Variants in CADM4 observed in about 807,000 individuals in gnomAD.
CADM4 encodes the protein cell adhesion molecule 4, also known as TSLC1-like 2.
A neutral mutation model predicts 43.9 loss-of-function variants in CADM4; 13 were observed. That is an observed-to-expected ratio of 0.30 (90% confidence interval 0.19 to 0.47). The LOEUF (loss-of-function observed/expected upper bound fraction) is 0.47, where lower values mean the gene tolerates loss of function less well. Ranked by LOEUF, CADM4 falls within the 20% of genes least tolerant of loss-of-function variation. The pLI, the probability that CADM4 is intolerant of heterozygous loss-of-function variation, is 1.00. For missense variants in CADM4, 420 were observed against 527.0 expected (o/e 0.80, Z 1.99); for synonymous variants, 209 against 220.9 (o/e 0.95, Z 0.48).
In CADM4 at chr19:43,626,310, C is replaced by T. The variant is rs201809571; in HGVS notation, c.500-22G>A. 2.5e-6 allele frequency: 4 copies of T among 1,605,432 alleles called. No individual in the cohort carries two copies. Among genetic ancestry groups the T allele is most frequent in the East Asian group, 2.2e-5 (1 of 44,790 alleles). Reference sequence around the variant, plus strand: ...ACTCCTGCCACACCCCGGTCAGACACTGTCAGGCCACAATTCCGGCTCCAT... The same window carrying T: ...ACTCCTGCCACACCCCGGTCAGACATTGTCAGGCCACAATTCCGGCTCCAT... On this transcript the variant is annotated intron_variant, in intron 4 of 8. Transcript: ENST00000222374. The surrounding 1 kb of genome is among the most constrained non-coding windows in gnomAD (Gnocchi z 5.9).
Position 43,623,985 on chromosome 19 carries a change from G to A in CADM4, c.1057+129C>T, listed in dbSNP as rs561420987. ...AAGCCCCGCCCCCTTTGTCATCTCC[G>A]CCCCCGGTGCGGCGGGATTTGGAAT... is the stretch of plus-strand genomic sequence containing the variant. On this transcript the variant is annotated intron_variant, in intron 8 of 8. Transcript: ENST00000222374. This position sits in a 1 kb window ranked among gnomAD's most constrained non-coding sequence, Gnocchi z 4.4. 8 of 1,159,186 alleles carry A rather than the reference G, an allele frequency of 6.9e-6. No homozygotes were observed. The African/African-American group carries it at 7.7e-5, about 11-fold the overall frequency. The allele number at this position is 1,159,186 out of a possible 1,614,324, so 71.8% of individuals were successfully genotyped here.
rs752061448 is a variant in CADM4 at position 43,623,292 on chromosome 19, A to AGCCCAG, written c.*32_*37dup. The stretch of plus-strand genomic sequence containing the variant: ...TGCAGCTGGCAGTGGGGGGGACCCC[A>AGCCCAG]GCCCAGGCCCAGGCCTAGGCCTGGG... On this transcript the variant is annotated 3_prime_UTR_variant, in exon 9 of 9. Coordinates refer to ENST00000222374, the MANE Select transcript of CADM4 (RefSeq NM_145296.2). This position sits in a 1 kb window ranked among gnomAD's most constrained non-coding sequence, Gnocchi z 4.4. 1.7e-5 allele frequency: 26 copies of AGCCCAG among 1,527,562 alleles called. No individual in the cohort carries two copies. The highest frequency in any genetic ancestry group is 2.2e-5 in the South Asian group (2 of 89,504). 94.6% of individuals were successfully genotyped at this position (1,527,562 alleles called of 1,614,324 possible). A position where few individuals can be genotyped will look rare whatever the true frequency, so the allele number is the denominator to read the frequency against.
In CADM4 at chr19:43,626,628, G is replaced by A. The variant is rs1465196296; in HGVS notation, c.499+156C>T. Among the ~76,000 whole-genome samples the A allele has an allele frequency of 6.6e-6, 1 of 152,186 alleles. No homozygotes were observed. The highest frequency in any genetic ancestry group is 1.5e-5 in the Non-Finnish European group (1 of 68,040). On this transcript the variant is annotated intron_variant, in intron 4 of 8. Transcript: ENST00000222374. The surrounding 1 kb of genome is among the most constrained non-coding windows in gnomAD (Gnocchi z 5.9). Reference sequence around the variant, plus strand: ...TCCTCCCATCTCAGCCTCCCAAAGTGCTAGGACTACAGGCGTGAGCCACCG... The same window carrying A: ...TCCTCCCATCTCAGCCTCCCAAAGTACTAGGACTACAGGCGTGAGCCACCG...
upstream of CADM4, among the ~76,000 whole-genome samples, chr19:43,640,401 A>T (rs1290707113): frequency 6.6e-6 from 1 of 151,176 alleles, no homozygotes; most frequent in Admixed American, 6.6e-5. Flanking sequence ...CCACCGGGAC[A>T]GGGGAGGCTG....
In CADM4 at chr19:43,626,940, T is replaced by G. The variant is rs777859092; in HGVS notation, c.365-22A>C. On this transcript the variant is annotated intron_variant, in intron 3 of 8. Transcript: ENST00000222374. This position sits in a 1 kb window ranked among gnomAD's most constrained non-coding sequence, Gnocchi z 5.9. ...GCCACTGCCGCAGGGAGAAGGGAAGTAAGGGGTTAAAGAAGGCACGAACGT... is the reference window on the plus strand; with the variant it reads ...GCCACTGCCGCAGGGAGAAGGGAAGGAAGGGGTTAAAGAAGGCACGAACGT... 1.9e-6 allele frequency: 3 copies of G among 1,571,188 alleles called. No homozygotes were observed. The highest frequency in any genetic ancestry group is 1.7e-6 in the Non-Finnish European group (2 of 1,159,316).
At chr19:43,640,089 G>A (rs1215643925), upstream of CADM4, among the ~76,000 whole-genome samples, 1 of 150,948 alleles carries the variant, frequency 6.6e-6, no homozygotes, top group Non-Finnish European at 1.5e-5. Context: ...CTCGGTGAGC[G>A]CGGGAAATGG....
chr19:43,640,947 A>G (rs757722407), upstream of CADM4, among the ~76,000 whole-genome samples: 6 of 151,698 alleles, frequency 4.0e-5, no homozygotes, highest in Non-Finnish European at 7.4e-5. Flanking sequence ...AGAAGTGCCA[A>G]TTATGAACAT....
rs1178809754 is a variant in CADM4, at chr19:43,623,951, T to C, written c.1057+163A>G. 6.6e-6 allele frequency among the ~76,000 whole-genome samples: 1 copy of C among 152,182 alleles called. No homozygotes were observed. Among genetic ancestry groups the C allele is most frequent in the Non-Finnish European group, 1.5e-5 (1 of 68,032 alleles). On this transcript the variant is annotated intron_variant, in intron 8 of 8. Transcript: ENST00000222374. This position sits in a 1 kb window ranked among gnomAD's most constrained non-coding sequence, Gnocchi z 4.4. ...TCTAAATTCTACCCCTTTTCGAGTATTGTGCCGAAAGCCCCGCCCCCTTTG... is the reference window on the plus strand; with the variant it reads ...TCTAAATTCTACCCCTTTTCGAGTACTGTGCCGAAAGCCCCGCCCCCTTTG...
At chr19:43,641,702 CCTT>C (rs572433587), upstream of CADM4, among the ~76,000 whole-genome samples, 159 of 152,360 alleles carry the variant, frequency 1.0e-3, no homozygotes, top group African/African-American at 3.4e-3. Flanking sequence ...TGAGCAACTT[CCTT>C]CTTTTTCAGT....
In CADM4 at chr19:43,626,778, G is replaced by C; in HGVS notation, c.499+6C>G. On this transcript the variant is annotated splice_donor_region_variant and intron_variant, in intron 4 of 8. Coordinates refer to ENST00000222374, the MANE Select transcript of CADM4 (RefSeq NM_145296.2). This position sits in a 1 kb window ranked among gnomAD's most constrained non-coding sequence, Gnocchi z 5.9. The stretch of plus-strand genomic sequence containing the variant: ...CCATCCCTTGTCAGCACTCGGCCCA[G>C]GGTACCTTTCAGCTCCTTGCGGTCC... 1 of 1,575,760 alleles carries C rather than the reference G, an allele frequency of 6.3e-7. No individual in the cohort carries two copies.
At position 43,639,356 on chromosome 19, in the gene CADM4, T is replaced by C. The variant is rs550793224; in HGVS notation, c.64+371A>G. Among the ~76,000 whole-genome samples, 5 of 96,726 alleles carry C rather than the reference T, an allele frequency of 5.2e-5. No homozygotes were observed. The South Asian group carries it at 1.3e-3, about 25-fold the overall frequency. The allele number at this position is 96,726 out of a possible 152,430, so 63.5% of individuals were successfully genotyped here. The stretch of plus-strand genomic sequence containing the variant: ...GAGACTGAGGGATAGAGGACAAGGG[T>C]AGGGGGACGAGGAGCCAGACGGGGG... On this transcript the variant is annotated intron_variant, in intron 1 of 8. Transcript: ENST00000222374.
At chr19:43,635,723 T>G (rs1035123031) in intron 1 of CADM4, among the ~76,000 whole-genome samples, 55 of 137,690 alleles carry the variant, frequency 4.0e-4, no homozygotes, top group African/African-American at 1.5e-3. Flanking sequence ...CCCTCCTCCC[T>G]CAGACTCAGG....
In CADM4 at chr19:43,627,350, C is replaced by G. The variant is rs898416283; in HGVS notation, c.212-32G>C. ...AGAGTGAGGGGGAAGGTGTGAATTTCGGGAGTCCTGGCCTCACAAGTCCCA... is the reference window on the plus strand; with the variant it reads ...AGAGTGAGGGGGAAGGTGTGAATTTGGGGAGTCCTGGCCTCACAAGTCCCA... On this transcript the variant is annotated intron_variant, in intron 2 of 8. Transcript: ENST00000222374. The surrounding 1 kb of genome is among the most constrained non-coding windows in gnomAD (Gnocchi z 4.0). 7.1e-6 allele frequency: 11 copies of G among 1,539,510 alleles called. No homozygotes were observed. The highest frequency in any genetic ancestry group is 8.8e-6 in the Non-Finnish European group (10 of 1,138,586).
rs897502201 is a variant in CADM4 at position 43,626,392 on chromosome 19, A to C, written c.500-104T>G. The C allele has an allele frequency of 1.7e-5, 24 of 1,381,904 alleles. No homozygotes were observed. The South Asian group carries it at 2.3e-4, about 13-fold the overall frequency. The allele number at this position is 1,381,904 out of a possible 1,614,324, so 85.6% of individuals were successfully genotyped here. ...GGCTATTTGCCAAGCTCCACCCCTT[A>C]CCCACAGGCCCCGCCTCTTGTCCTC... is the stretch of plus-strand genomic sequence containing the variant. On this transcript the variant is annotated intron_variant, in intron 4 of 8. Coordinates refer to ENST00000222374, the MANE Select transcript of CADM4 (RefSeq NM_145296.2). This position sits in a 1 kb window ranked among gnomAD's most constrained non-coding sequence, Gnocchi z 5.9.
Position 43,624,236 on chromosome 19 carries a change from C to T in CADM4, c.935G>A (p.Gly312Asp). The change falls in exon 8 of 9, where the codon GGT becomes GAT. Residue 312 changes from glycine (G) to aspartate (D), a missense_variant. Physicochemically the swap from Gly to Asp is moderately conservative, Grantham distance 94. Transcript: ENST00000222374. ...CGACGTCTGAGCCTCTACCACCGCA[C>T]CAGGGTCTGCCAGAGGGACACGGCA... ...ALYVLVVYDP[G>D]AVVEAQTSVP... The T allele has an allele frequency of 6.2e-7, 1 of 1,614,200 alleles. No individual in the cohort carries two copies. The highest frequency in any genetic ancestry group is 2.2e-5 in the East Asian group (1 of 44,890).
chr19:43,639,538 C>T (rs1973744941), intron 1 of CADM4, among the ~76,000 whole-genome samples, 189 bp downstream of exon 1: 1 of 150,316 alleles, frequency 6.7e-6, no homozygotes, highest in Non-Finnish European at 1.5e-5. Context: ...GCACGGCGGC[C>T]GGGCCCCGCG....
chr19:43,629,632 A>T (rs932839762), intron 1 of CADM4, among the ~76,000 whole-genome samples: 1 of 151,986 alleles, frequency 6.6e-6, no homozygotes, highest in Non-Finnish European at 1.5e-5. Flanking sequence ...TATTATTATT[A>T]TTTTGGGACA....
chr19:43,629,324 G>A (rs1973582081), intron 1 of CADM4, among the ~76,000 whole-genome samples: 1 of 152,124 alleles, frequency 6.6e-6, no homozygotes, highest in African/African-American at 2.4e-5. Flanking sequence ...ATACCTTTTT[G>A]TTAAGCCATT....
chr19:43,629,605 G>A (rs1973586517), intron 1 of CADM4, among the ~76,000 whole-genome samples: 1 of 152,062 alleles, frequency 6.6e-6, no homozygotes, highest in African/African-American at 2.4e-5. Flanking sequence ...GTGTAAGGTA[G>A]ACATGATTAT....
Sources: gnomAD v4.1 joint callset for allele counts (sites outside exome capture counted in the v4.1 genomes callset) on GRCh38, gnomAD v4.1.1 for gene constraint, Gnocchi (gnomAD v3.1) non-coding constraint, MANE v1.5 for transcripts, NCBI Gene and HGNC (gene_info 2026-07-23, HGNC 2026-07-21) for gene names.